Variants in ANK3 observed in about 807,000 individuals in gnomAD.
ANK3 encodes the protein ankyrin-3.
Under a neutral mutation model 370.9 loss-of-function variants are expected in ANK3, and 57 were observed. That is an observed-to-expected ratio of 0.15 (90% CI 0.12 to 0.19). The LOEUF (loss-of-function observed/expected upper bound fraction) is 0.19. Ranked by LOEUF, ANK3 falls within the 10% of genes least tolerant of loss-of-function variation. The pLI, the probability that ANK3 is intolerant of heterozygous loss-of-function variation, is 1.00. For synonymous variants in ANK3, 1,929 were observed against 1,946.3 expected (o/e 0.99, Z 0.23); for missense variants, 4,439 against 5,302.1 (o/e 0.84, Z 5.06).
intron 1 of ANK3, among the ~76,000 whole-genome samples, chr10:60,646,053 C>CA (rs55919855): frequency 0.11 from 17,297 of 152,000 alleles, 1,447 homozygotes; most frequent in East Asian, 0.27. Flanking sequence ...AGGAAAGTGG[C>CA]ATTTAAACTG....
chr10:60,409,401 T>A (rs2063515273), intron 2 of ANK3, among the ~76,000 whole-genome samples: 1 of 152,204 alleles, frequency 6.6e-6, no homozygotes, highest in Non-Finnish European at 1.5e-5. Context: ...GCGGAGAATA[T>A]CAGTCTATGT....
At chr10:60,385,666 G>C (rs1216074472) in intron 1 of ANK3, among the ~76,000 whole-genome samples, 1 of 152,098 alleles carries the variant, frequency 6.6e-6, no homozygotes, top group Non-Finnish European at 1.5e-5. Flanking sequence ...GTTAATCATG[G>C]AATTAATTGT....
intron 2 of ANK3, among the ~76,000 whole-genome samples, chr10:60,516,085 A>T (rs544203037): frequency 1.3e-3 from 205 of 152,196 alleles, no homozygotes; most frequent in African/African-American, 4.6e-3. Context: ...CCCTATTTAT[A>T]GGGGATAGAA....
chr10:60,175,914 C>T (rs1030791645), intron 18 of ANK3, among the ~76,000 whole-genome samples: 15 of 152,180 alleles, frequency 9.9e-5, no homozygotes, highest in African/African-American at 3.4e-4. Context: ...TAACTGTTAA[C>T]AATTATTTCA....
rs558427424 is a variant in ANK3, at chr10:60,537,789, C to T, written c.96+77397G>A. On this transcript the variant is annotated intron_variant, in intron 2 of 43. Coordinates refer to the ANK3 transcript ENST00000373827. ...AATATGGTAGAATTGGAATATATGGCTTATTGGCTATAGGCTATAACTTAA... is the reference window on the plus strand; with the variant it reads ...AATATGGTAGAATTGGAATATATGGTTTATTGGCTATAGGCTATAACTTAA... 7.2e-5 allele frequency among the ~76,000 whole-genome samples: 11 copies of T among 151,884 alleles called. No homozygotes were observed. In the South Asian group the frequency reaches 2.3e-3, roughly 32 times the overall value.
rs1156337622 is a variant in ANK3, at chr10:60,724,081, G to A, written c.57+9182C>T. On this transcript the variant is annotated intron_variant, in intron 1 of 43. Transcript: ENST00000373827. Reference sequence around the variant, plus strand: ...AAAAATTAGCCAGGTGTGGTGGCGGGCGCCTGTAGTCCCAGCTACTCGGGA... The same window carrying A: ...AAAAATTAGCCAGGTGTGGTGGCGGACGCCTGTAGTCCCAGCTACTCGGGA... Among the ~76,000 whole-genome samples the A allele has an allele frequency of 9.3e-5, 12 of 129,318 alleles. 3 individuals carry two copies. The highest frequency in any genetic ancestry group is 2.0e-4 in the Non-Finnish European group (12 of 59,174). The allele number at this position is 129,318 out of a possible 152,430, so 84.8% of individuals were successfully genotyped here.
chr10:60,415,100 T>C (rs1384264681), intron 2 of ANK3, among the ~76,000 whole-genome samples: 1 of 151,958 alleles, frequency 6.6e-6, no homozygotes, highest in African/African-American at 2.4e-5. Context: ...AAAACCAGAT[T>C]GTATTGTCAG....
chr10:60,110,106 T>C (rs1184224673), intron 26 of ANK3, among the ~76,000 whole-genome samples: 1 of 152,076 alleles, frequency 6.6e-6, no homozygotes, highest in Non-Finnish European at 1.5e-5. Context: ...TCTTAAAGTG[T>C]TTTTAGAAAA....
chr10:60,221,866 C>A (rs758177325), intron 8 of ANK3, among the ~76,000 whole-genome samples: 7 of 152,154 alleles, frequency 4.6e-5, no homozygotes, highest in Non-Finnish European at 7.3e-5. Flanking sequence ...TGTTTACTAA[C>A]AACATGTGGC....
intron 1 of ANK3, among the ~76,000 whole-genome samples, chr10:60,384,689 C>T (rs1201236923): frequency 6.6e-6 from 1 of 152,164 alleles, no homozygotes; most frequent in African/African-American, 2.4e-5. Flanking sequence ...ATTAGGAAGA[C>T]TAAATTAGTC....
rs1290269702 is a variant in ANK3 at position 60,072,514 on chromosome 10, G to C, written c.8367C>G (p.Thr2789=). 4 of 1,613,474 alleles carry C rather than the reference G, an allele frequency of 2.5e-6. No individual in the cohort carries two copies. The highest frequency in any genetic ancestry group is 1.6e-4 in the Middle Eastern group (1 of 6,076). ...CGTTGCTTTGGGCATGCTCATCTTT[G>C]GTTTTTAATACCATAAAATCTTTTT... ...SVQKDFMVLK[T]KDEHAQSNEI... Residue 2789 remains threonine, a synonymous_variant, in exon 37 of 44, where the codon ACC becomes ACG. Transcript: ENST00000280772.
intron 2 of ANK3, among the ~76,000 whole-genome samples, chr10:60,424,701 G>A (rs1317777275): frequency 6.6e-6 from 1 of 152,048 alleles, no homozygotes; most frequent in Non-Finnish European, 1.5e-5. Flanking sequence ...TGAGCCTTGG[G>A]AAAGATAGTG....
intron 28 of ANK3, among the ~76,000 whole-genome samples, chr10:60,100,400 T>C (rs1309873471): frequency 6.6e-6 from 1 of 152,070 alleles, no homozygotes; most frequent in Non-Finnish European, 1.5e-5. Flanking sequence ...CTCAACTGCT[T>C]CTACAATGAC....
At chr10:60,513,986 C>T (rs1174974160) in intron 2 of ANK3, among the ~76,000 whole-genome samples, 2 of 152,108 alleles carry the variant, frequency 1.3e-5, no homozygotes, top group Non-Finnish European at 2.9e-5. Context: ...AAGACCAACC[C>T]TTCCTCTTCC....
intron 36 of ANK3, among the ~76,000 whole-genome samples, chr10:60,077,395 A>C (rs2084078158): frequency 6.6e-6 from 1 of 152,226 alleles, no homozygotes; most frequent in Non-Finnish European, 1.5e-5. Flanking sequence ...ATCATGCACA[A>C]TATATCATGG....
chr10:60,656,839 C>A (rs1034144727), intron 1 of ANK3, among the ~76,000 whole-genome samples: 2 of 152,116 alleles, frequency 1.3e-5, no homozygotes, highest in African/African-American at 4.8e-5. Flanking sequence ...CTCACTGCAG[C>A]CTTGATCTCC....
At chr10:60,043,480 T>G in intron 42 of ANK3, 5 of 985,156 alleles carry the variant, frequency 5.1e-6, no homozygotes, top group Non-Finnish European at 6.0e-6. Context: ...ACCAGAGATG[T>G]TTTCTCTGAG....
intron 7 of ANK3, among the ~76,000 whole-genome samples, chr10:60,241,517 A>G (rs2097458254): frequency 6.6e-6 from 1 of 152,160 alleles, no homozygotes; most frequent in Non-Finnish European, 1.5e-5. Context: ...GAGGAGGCTA[A>G]GTGATTTACA....
intron 1 of ANK3, among the ~76,000 whole-genome samples, chr10:60,349,761 C>T (rs1418753439): frequency 6.6e-6 from 1 of 152,104 alleles, no homozygotes; most frequent in African/African-American, 2.4e-5. Context: ...AGACTCCCAC[C>T]CTCTGTTCTC....
Sources: gnomAD v4.1 joint callset for allele counts (sites outside exome capture counted in the v4.1 genomes callset) on GRCh38, gnomAD v4.1.1 for gene constraint, MANE v1.5 for transcripts, NCBI Gene and HGNC (gene_info 2026-07-23, HGNC 2026-07-21) for gene names.